Variants in UCHL5 observed in about 807,000 individuals in gnomAD.
UCHL5 encodes the protein ubiquitin C-terminal hydrolase L5.
A neutral mutation model predicts 53.8 loss-of-function variants in UCHL5; 34 were observed. The observed-to-expected ratio is 0.63, with a 90% CI of 0.48 to 0.84. The LOEUF is 0.84. Among genes scored for constraint, UCHL5 ranks in the 40% least tolerant of loss-of-function variants. The pLI is 0.00. For synonymous variants in UCHL5, 111 were observed against 126.3 expected (o/e 0.88, Z 0.81); for missense variants, 290 against 385.6 (o/e 0.75, Z 2.08).
In UCHL5 at chr1:193,029,568, T is replaced by C. The variant is rs1408196392; in HGVS notation, c.336A>G (p.Ser112=). ...AACTTTGTGAAAATTCTTTAAACTC[T>C]GATAATGTCTCGCCTAAATGGACAT... is the stretch of plus-strand genomic sequence containing the variant. ...HQDVHLGETL[S]EFKEFSQSFD... Residue 112 remains serine, a synonymous_variant, in exon 4 of 11, where the codon TCA becomes TCG. Transcript: ENST00000367454. The C allele has an allele frequency of 6.2e-7, 1 of 1,613,718 alleles. No individual in the cohort carries two copies. Among genetic ancestry groups the C allele is most frequent in the Non-Finnish European group, 8.5e-7 (1 of 1,179,780 alleles).
chr1:193,055,887 C>T (rs928087569), intron 1 of UCHL5, among the ~76,000 whole-genome samples: 1 of 152,110 alleles, frequency 6.6e-6, no homozygotes, highest in Admixed American at 6.5e-5. Flanking sequence ...CAGGATAATG[C>T]TGGTCCTCAG....
rs114493512 is a variant in UCHL5, at chr1:193,051,354, C to G, written c.140+400G>C. The stretch of plus-strand genomic sequence containing the variant: ...TAATGTGATAGTGTGTAGGCAAGTT[C>G]TGGATTACTATAAATATATATTATC... On this transcript the variant is annotated intron_variant, in intron 2 of 10. Coordinates refer to ENST00000367454, the MANE Select transcript of UCHL5 (RefSeq NM_001199261.3). 1.6e-3 allele frequency among the ~76,000 whole-genome samples: 241 copies of G among 151,748 alleles called. 1 individual carries two copies. Among genetic ancestry groups the G allele is most frequent in the African/African-American group, 5.3e-3 (219 of 41,346 alleles).
intron 3 of UCHL5, among the ~76,000 whole-genome samples, chr1:193,039,612 A>T (rs1191459068): frequency 6.6e-6 from 1 of 152,218 alleles, no homozygotes; most frequent in African/African-American, 2.4e-5. Context: ...CTATCAAAAT[A>T]CCAACGGCAT....
chr1:193,050,057 A>C (rs1247346431), intron 2 of UCHL5, among the ~76,000 whole-genome samples: 2 of 152,204 alleles, frequency 1.3e-5, no homozygotes, highest in Non-Finnish European at 2.9e-5. Context: ...ATATCAGTTA[A>C]AATAAAATTG....
At chr1:193,044,163 C>T (rs2102734970) in intron 3 of UCHL5, among the ~76,000 whole-genome samples, 1 of 152,256 alleles carries the variant, frequency 6.6e-6, no homozygotes, top group African/African-American at 2.4e-5. Context: ...TCATTTCACT[C>T]CATTCAGCAC....
chr1:193,034,634 A>C (rs1372071786), intron 3 of UCHL5, among the ~76,000 whole-genome samples: 2 of 152,124 alleles, frequency 1.3e-5, no homozygotes, highest in Non-Finnish European at 2.9e-5. Flanking sequence ...AGTCAAAGCC[A>C]TTACAGAAGA....
At chr1:193,043,176 A>AAAAAAAAAAAAAAC (rs67065822) in intron 3 of UCHL5, among the ~76,000 whole-genome samples, 3 of 141,550 alleles carry the variant, frequency 2.1e-5, no homozygotes, top group African/African-American at 8.0e-5. Flanking sequence ...AAAAAAAAAA[A>AAAAAAAAAAAAAAC]CCACCTATTT....
At chr1:193,057,005 T>C (rs1276476553) in intron 1 of UCHL5, among the ~76,000 whole-genome samples, 1 of 152,228 alleles carries the variant, frequency 6.6e-6, no homozygotes, top group Non-Finnish European at 1.5e-5. Context: ...TCTGCACATA[T>C]GAAATTGAAG....
rs1671848641 is a variant in UCHL5 at position 193,059,040 on chromosome 1, C to T, written c.76+145G>A. ...GTCTCGAGCTGAGGAGAGGGCAGAA[C>T]ATCTACATTTCCCCCACCCGGACTC... On this transcript the variant is annotated intron_variant, in intron 1 of 10. Transcript: ENST00000367454. This position sits in a 1 kb window ranked among gnomAD's most constrained non-coding sequence, Gnocchi z 4.9. 3.9e-6 allele frequency: 3 copies of T among 771,186 alleles called. No homozygotes were observed. The East Asian group carries it at 8.5e-5, about 22-fold the overall frequency. The allele number at this position is 771,186 out of a possible 1,614,324, so 47.8% of individuals were successfully genotyped here. A position where few individuals can be genotyped will look rare whatever the true frequency, so the allele number is the denominator to read the frequency against.
At chr1:193,058,339 A>G (rs958329425) in intron 1 of UCHL5, among the ~76,000 whole-genome samples, 1 of 152,260 alleles carries the variant, frequency 6.6e-6, no homozygotes, top group Non-Finnish European at 1.5e-5. Context: ...ACAACAGGCA[A>G]TATCTACATC....
At position 193,040,225 on chromosome 1, in the gene UCHL5, GA is replaced by G. The variant is rs370655398; in HGVS notation, c.246+9520del. Among the ~76,000 whole-genome samples, 339 of 152,034 alleles carry G rather than the reference GA, an allele frequency of 2.2e-3. 3 individuals carry two copies. The highest frequency in any genetic ancestry group is 8.0e-3 in the African/African-American group (332 of 41,508). ...TAAAGCGACAACCCACAGAATGGGA[GA>G]AAATATTTGCAAACTACCCATCTTA... On this transcript the variant is annotated intron_variant, in intron 3 of 10. Coordinates refer to ENST00000367454, the MANE Select transcript of UCHL5 (RefSeq NM_001199261.3).
At chr1:193,048,079 G>C (rs1344359257) in intron 3 of UCHL5, among the ~76,000 whole-genome samples, 1 of 152,166 alleles carries the variant, frequency 6.6e-6, no homozygotes, top group Non-Finnish European at 1.5e-5. Flanking sequence ...TAGTTATCTT[G>C]AAGAAAGTAC....
At chr1:193,058,742 A>G (rs1415156315) in intron 1 of UCHL5, among the ~76,000 whole-genome samples, 1 of 152,244 alleles carries the variant, frequency 6.6e-6, no homozygotes. Flanking sequence ...CTTGAGCCGC[A>G]GACACCTCAC....
At position 193,043,151 on chromosome 1, in the gene UCHL5, TAAAAAAA is replaced by T. The variant is rs200951342; in HGVS notation, c.246+6588_246+6594del. 6.9e-4 allele frequency among the ~76,000 whole-genome samples: 25 copies of T among 36,370 alleles called. 1 individual carries two copies. Among genetic ancestry groups the T allele is most frequent in the South Asian group, 1.5e-3 (1 of 652 alleles). The allele number at this position is 36,370 out of a possible 152,430, so 23.9% of individuals were successfully genotyped here. A position where few individuals can be genotyped will look rare whatever the true frequency, so the allele number is the denominator to read the frequency against. On this transcript the variant is annotated intron_variant, in intron 3 of 10. Coordinates refer to ENST00000367454, the MANE Select transcript of UCHL5 (RefSeq NM_001199261.3). ...TGGAGCCTTGACAGCTCTTGAATAT[TAAAAAAA>T]AAAAAAAAAAAAAAAAAACCACCTA...
At chr1:193,026,089 CAAAA>C (rs200994694) in intron 7 of UCHL5, among the ~76,000 whole-genome samples, 2 of 64,388 alleles carry the variant, frequency 3.1e-5, no homozygotes, top group Non-Finnish European at 3.2e-5. Context: ...TATGCATAGG[CAAAA>C]AAAAAAAAAA....
At chr1:193,019,575 A>T (rs547587144) in intron 10 of UCHL5, among the ~76,000 whole-genome samples, 1 of 151,824 alleles carries the variant, frequency 6.6e-6, no homozygotes, top group South Asian at 2.1e-4. Context: ...TACTTTCCTT[A>T]AGAAAATGAA....
At chr1:193,047,054 G>A (rs2102785907) in intron 3 of UCHL5, among the ~76,000 whole-genome samples, 1 of 152,134 alleles carries the variant, frequency 6.6e-6, no homozygotes, top group South Asian at 2.1e-4. Flanking sequence ...TTTGTGAAAT[G>A]AAGACAACAA....
At chr1:193,038,535 C>T (rs1004292753) in intron 3 of UCHL5, among the ~76,000 whole-genome samples, 4 of 150,902 alleles carry the variant, frequency 2.7e-5, no homozygotes, top group African/African-American at 4.9e-5. Context: ...TTTTATTCAA[C>T]GTAATATTGC....
chr1:193,020,213 T>C (rs923558219), intron 10 of UCHL5: 2 of 1,399,594 alleles, frequency 1.4e-6, no homozygotes, highest in African/African-American at 2.9e-5. Context: ...TTAGCTCACA[T>C]CTCATATTAT....
Sources: gnomAD v4.1 joint callset for allele counts (sites outside exome capture counted in the v4.1 genomes callset) on GRCh38, gnomAD v4.1.1 for gene constraint, Gnocchi (gnomAD v3.1) non-coding constraint, MANE v1.5 for transcripts, NCBI Gene and HGNC (gene_info 2026-07-23, HGNC 2026-07-21) for gene names.